Variants in CDYL2 observed in about 807,000 individuals in gnomAD.
CDYL2 encodes the protein chromodomain Y-like protein 2.
Under a neutral mutation model 49.4 loss-of-function variants are expected in CDYL2, and 23 were observed. The observed-to-expected ratio is 0.47, with a 90% CI of 0.34 to 0.66. The LOEUF (loss-of-function observed/expected upper bound fraction) is 0.66, where lower values mean the gene tolerates loss of function less well. CDYL2 is among the 30% of genes least tolerant of loss of function. The pLI, the probability that CDYL2 is intolerant of heterozygous loss-of-function variation, is 0.01. For synonymous variants in CDYL2, 360 were observed against 268.8 expected (o/e 1.34, Z -3.32); for missense variants, 678 against 656.4 (o/e 1.03, Z -0.36).
intron 6 of CDYL2, among the ~76,000 whole-genome samples, chr16:80,605,805 T>C (rs564806353): frequency 6.6e-6 from 1 of 152,302 alleles, no homozygotes; most frequent in South Asian, 2.1e-4. Flanking sequence ...CTAAGAGAAA[T>C]ACTTTTCCTG....
intron 3 of CDYL2, among the ~76,000 whole-genome samples, chr16:80,624,472 G>C (rs144980202): frequency 6.6e-6 from 1 of 152,172 alleles, no homozygotes; most frequent in Non-Finnish European, 1.5e-5. Flanking sequence ...TATCCCTGAG[G>C]TGTCTGATGG....
Position 80,612,319 on chromosome 16 carries a change from T to C in CDYL2, c.1218+307A>G, listed in dbSNP as rs541739513. 6.6e-6 allele frequency among the ~76,000 whole-genome samples: 1 copy of C among 152,270 alleles called. No individual in the cohort carries two copies. The highest frequency in any genetic ancestry group is 2.1e-4 in the South Asian group (1 of 4,826). On this transcript the variant is annotated intron_variant, in intron 5 of 6. Coordinates refer to ENST00000570137, the MANE Select transcript of CDYL2 (RefSeq NM_152342.4). This position sits in a 1 kb window ranked among gnomAD's most constrained non-coding sequence, Gnocchi z 5.0. The stretch of plus-strand genomic sequence containing the variant: ...AGAGGATGAAGGCAAGTTTTGTTGT[T>C]AAAGCCACTGAGACCGTGGGCTGCT...
chr16:80,683,019 G>C (rs1278892843), intron 2 of CDYL2, among the ~76,000 whole-genome samples: 1 of 152,200 alleles, frequency 6.6e-6, no homozygotes, highest in African/African-American at 2.4e-5. Context: ...TTCTCAGCAA[G>C]AGTACCTAAA....
At chr16:80,739,725 G>A (rs1905669358) in intron 1 of CDYL2, among the ~76,000 whole-genome samples, 1 of 152,244 alleles carries the variant, frequency 6.6e-6, no homozygotes, top group South Asian at 2.1e-4. Context: ...TGGGAGGTGG[G>A]AGCCAGAATG....
rs191064072 is a variant in CDYL2 at position 80,785,825 on chromosome 16, C to T, written c.24+18325G>A. 8.7e-4 allele frequency among the ~76,000 whole-genome samples: 133 copies of T among 152,210 alleles called. 2 individuals are homozygous for T. The Middle Eastern group carries it at 0.021, about 24-fold the overall frequency. On this transcript the variant is annotated intron_variant, in intron 1 of 6. Coordinates refer to ENST00000570137, the MANE Select transcript of CDYL2 (RefSeq NM_152342.4). Reference sequence around the variant, plus strand: ...ATAACACCACACATCTACCGTCATCCGATCTTTGACCAACCCGACACACAA... The same window carrying T: ...ATAACACCACACATCTACCGTCATCTGATCTTTGACCAACCCGACACACAA...
At chr16:80,677,760 A>AAAAT (rs1269905717) in intron 2 of CDYL2, among the ~76,000 whole-genome samples, 2 of 151,528 alleles carry the variant, frequency 1.3e-5, no homozygotes, top group Non-Finnish European at 2.9e-5. Context: ...AATAAAAATA[A>AAAAT]AAATAAATAA....
At chr16:80,653,094 G>A (rs1908654487) in intron 2 of CDYL2, among the ~76,000 whole-genome samples, 3 of 152,210 alleles carry the variant, frequency 2.0e-5, no homozygotes, top group East Asian at 1.9e-4. Context: ...GATGTTCATA[G>A]GAGAAACTAG....
intron 1 of CDYL2, among the ~76,000 whole-genome samples, chr16:80,713,567 A>G (rs1447941838): frequency 5.3e-5 from 8 of 152,074 alleles, no homozygotes; most frequent in Middle Eastern, 3.4e-3. Flanking sequence ...CCTCAACACA[A>G]TCTTCTCTAC....
At chr16:80,694,060 C>T (rs1043361163) in intron 1 of CDYL2, among the ~76,000 whole-genome samples, 3 of 152,228 alleles carry the variant, frequency 2.0e-5, no homozygotes, top group Non-Finnish European at 4.4e-5. Flanking sequence ...GCACCAAGGA[C>T]CAGTCTCATG....
chr16:80,670,373 C>T (rs1909450904), intron 2 of CDYL2, among the ~76,000 whole-genome samples: 2 of 152,158 alleles, frequency 1.3e-5, no homozygotes, highest in Admixed American at 1.3e-4. Context: ...GGCTTTCCCC[C>T]GGTTGCTCAG....
chr16:80,614,506 C>G (rs550349254), intron 4 of CDYL2, among the ~76,000 whole-genome samples: 1 of 152,232 alleles, frequency 6.6e-6, no homozygotes, highest in Non-Finnish European at 1.5e-5. Flanking sequence ...ATTTTAGGTT[C>G]ATGTATGTGA....
intron 3 of CDYL2, among the ~76,000 whole-genome samples, chr16:80,629,383 A>G (rs1488408709): frequency 6.6e-6 from 1 of 152,238 alleles, no homozygotes; most frequent in Non-Finnish European, 1.5e-5. Flanking sequence ...ATTCAAGAAT[A>G]AAGGTGAACC....
At chr16:80,642,685 T>C (rs1379321791) in intron 2 of CDYL2, among the ~76,000 whole-genome samples, 4 of 152,108 alleles carry the variant, frequency 2.6e-5, no homozygotes, top group African/African-American at 4.8e-5. Flanking sequence ...ACTTCTTACA[T>C]AGCAGTGGCA....
At chr16:80,778,909 C>A (rs778198437) in intron 1 of CDYL2, among the ~76,000 whole-genome samples, 5 of 152,130 alleles carry the variant, frequency 3.3e-5, no homozygotes, top group Non-Finnish European at 7.4e-5. Context: ...AATAAGTGGA[C>A]TGAAACGAAA....
At chr16:80,755,696 C>T (rs1477032014) in intron 1 of CDYL2, among the ~76,000 whole-genome samples, 2 of 152,192 alleles carry the variant, frequency 1.3e-5, no homozygotes, top group African/African-American at 4.8e-5. Flanking sequence ...TCACAAAGAA[C>T]ATCTGACAAC....
At chr16:80,801,604 C>A (rs996637378) in intron 1 of CDYL2, among the ~76,000 whole-genome samples, 3 of 152,084 alleles carry the variant, frequency 2.0e-5, no homozygotes, top group Non-Finnish European at 4.4e-5. Flanking sequence ...GTAGAGATTG[C>A]GAGAAGCCAT....
At chr16:80,700,458 G>A (rs1019725114) in intron 1 of CDYL2, among the ~76,000 whole-genome samples, 4 of 152,074 alleles carry the variant, frequency 2.6e-5, no homozygotes, top group African/African-American at 4.8e-5. Flanking sequence ...AATATGTAAG[G>A]AACTTCAAAG....
intron 1 of CDYL2, among the ~76,000 whole-genome samples, chr16:80,767,410 G>A (rs1448665115): frequency 6.6e-6 from 1 of 152,096 alleles, no homozygotes; most frequent in South Asian, 2.1e-4. Context: ...CTTTTAATAG[G>A]TATTTAATGC....
intron 1 of CDYL2, among the ~76,000 whole-genome samples, chr16:80,767,274 G>A (rs1906758548): frequency 6.6e-6 from 1 of 152,094 alleles, no homozygotes; most frequent in Non-Finnish European, 1.5e-5. Flanking sequence ...TTTTTGCACA[G>A]AATTTTTCAA....
Sources: allele counts gnomAD v4.1 joint callset (sites outside exome capture counted in the v4.1 genomes callset), GRCh38; gene constraint gnomAD v4.1.1; non-coding constraint Gnocchi (gnomAD v3.1); transcripts MANE v1.5; gene names NCBI Gene and HGNC (gene_info 2026-07-23, HGNC 2026-07-21).